Variants in RPA2 observed in about 807,000 individuals in gnomAD.
RPA2 encodes the protein replication protein A2, also known as replication protein A 32 kDa subunit.
A neutral mutation model predicts 33.4 loss-of-function variants in RPA2; 22 were observed. The observed-to-expected ratio is 0.66, with a 90% CI of 0.47 to 0.94. The LOEUF (loss-of-function observed/expected upper bound fraction) is 0.94. Ranked by LOEUF, RPA2 falls within the 40% of genes least tolerant of loss-of-function variation. The pLI, the probability that RPA2 is intolerant of heterozygous loss-of-function variation, is 0.00. For missense variants in RPA2, 279 were observed against 329.9 expected (o/e 0.85, Z 1.19); for synonymous variants, 109 against 114.9 (o/e 0.95, Z 0.33).
At chr1:27,896,790 G>C (rs1000993148) in intron 6 of RPA2, among the ~76,000 whole-genome samples, 1 of 152,160 alleles carries the variant, frequency 6.6e-6, no homozygotes, top group Admixed American at 6.5e-5. Context: ...GTCCAGGCCA[G>C]TGGAGTCAGA....
In RPA2 at chr1:27,894,029, C is replaced by A. The variant is rs760520445; in HGVS notation, c.711G>T (p.Met237Ile). 3 of 1,613,996 alleles carry A rather than the reference C, an allele frequency of 1.9e-6. No individual in the cohort carries two copies. Among genetic ancestry groups the A allele is most frequent in the Non-Finnish European group, 1.7e-6 (2 of 1,179,844 alleles). The change falls in exon 8 of 9, where the codon ATG becomes ATT. Residue 237 changes from methionine to isoleucine, a missense_variant. Around this residue, in one of 2 missense-constraint regions of RPA2, gnomAD observed 274 missense variants for 310.3 expected, o/e 0.88. Coordinates refer to ENST00000373912, the MANE Select transcript of RPA2 (RefSeq NM_002946.5). ...FQDLKNQLKHMSVSSIKQAVD... is the reference protein window; with the variant it reads ...FQDLKNQLKHISVSSIKQAVD... ...ATACTTACTTGATTGAGGATACAGA[C>A]ATGTGTTTCAGCTGGTTCTTGAGAT...
At chr1:27,912,716 C>T (rs2090114395) in intron 2 of RPA2, among the ~76,000 whole-genome samples, 1 of 152,218 alleles carries the variant, frequency 6.6e-6, no homozygotes, top group Non-Finnish European at 1.5e-5. Flanking sequence ...AAGATGCTTT[C>T]CTGAAGTCAC....
chr1:27,913,945 G>C (rs987105423), intron 2 of RPA2, 118 bp downstream of exon 2: 4 of 961,770 alleles, frequency 4.2e-6, no homozygotes, highest in African/African-American at 1.7e-5. Flanking sequence ...GATAATAATA[G>C]ATCATTATCG....
At chr1:27,907,541 G>C (rs1290766803) in intron 2 of RPA2, among the ~76,000 whole-genome samples, 1 of 152,176 alleles carries the variant, frequency 6.6e-6, no homozygotes, top group African/African-American at 2.4e-5. Flanking sequence ...TCACCAAAAT[G>C]AATAGGTCAG....
At chr1:27,897,242 A>C in intron 5 of RPA2, 121 bp from the exon 6 acceptor site, 1 of 690,784 alleles carries the variant, frequency 1.4e-6, no homozygotes, top group Non-Finnish European at 2.4e-6. Flanking sequence ...AAAATGTTAT[A>C]TACTCTCAGA....
chr1:27,895,488 G>A (rs1356358622), intron 6 of RPA2, among the ~76,000 whole-genome samples: 1 of 151,880 alleles, frequency 6.6e-6, no homozygotes, highest in Non-Finnish European at 1.5e-5. Context: ...GGCTGAGACG[G>A]GCAGATCACG....
intron 4 of RPA2, among the ~76,000 whole-genome samples, chr1:27,902,553 G>A (rs1408714822): frequency 2.0e-5 from 3 of 151,872 alleles, no homozygotes; most frequent in Non-Finnish European, 4.4e-5. Context: ...CCAAAGTCCT[G>A]GGATTACAGG....
At chr1:27,914,733 C>T, upstream of RPA2, 1 of 1,538,414 alleles carries the variant, frequency 6.5e-7, no homozygotes, top group Non-Finnish European at 8.9e-7. Context: ...AAGGGCAAAA[C>T]CCTCCGCACT....
At position 27,914,021 on chromosome 1, in the gene RPA2, C is replaced by T. The variant is rs762173996; in HGVS notation, c.117+42G>A. On this transcript the variant is annotated intron_variant, in intron 2 of 8. Coordinates refer to ENST00000373912, the MANE Select transcript of RPA2 (RefSeq NM_002946.5). The stretch of plus-strand genomic sequence containing the variant: ...TCTGTCATAGATGACTCAGGGACTT[C>T]AGGACAGGATAAAACAAAACTAAAT... The T allele has an allele frequency of 2.0e-6, 3 of 1,516,830 alleles. No homozygotes were observed. The South Asian group carries it at 3.9e-5, about 20-fold the overall frequency. 94.0% of individuals were successfully genotyped at this position (1,516,830 alleles called of 1,614,324 possible).
At position 27,897,117 on chromosome 1, in the gene RPA2, T is replaced by C. The variant is rs778925354; in HGVS notation, c.413A>G (p.Lys138Arg). 2 of 1,608,654 alleles carry C rather than the reference T, an allele frequency of 1.2e-6. No individual in the cohort carries two copies. Among genetic ancestry groups the C allele is most frequent in the South Asian group, 1.1e-5 (1 of 89,516 alleles). ...VAGHLRSFQNKKSLVAFKIMP... is the reference protein window; with the variant it reads ...VAGHLRSFQNRKSLVAFKIMP... ...GATCTTAAAGGCTACCAGGCTCTTT[T>C]TGTTCTATTAAAATGAAGGAAAAAA... Residue 138 changes from lysine to arginine, a missense_variant, in exon 6 of 9, where the codon AAA becomes AGA. Physicochemically the swap from Lys to Arg is conservative, Grantham distance 26. Transcript: ENST00000373912.
At chr1:27,894,471 G>T in intron 6 of RPA2, 74 bp from the exon 7 acceptor site, 2 of 1,260,970 alleles carry the variant, frequency 1.6e-6, no homozygotes, top group South Asian at 2.6e-5. Context: ...AAAATAGCTC[G>T]TTAAGCAGCT....
chr1:27,904,165 CAAA>C (rs11334227), intron 4 of RPA2, among the ~76,000 whole-genome samples: 10 of 123,504 alleles, frequency 8.1e-5, no homozygotes, highest in African/African-American at 1.2e-4. Context: ...AGCTCCATCT[CAAA>C]AAAAAAAAAA....
intron 2 of RPA2, among the ~76,000 whole-genome samples, chr1:27,908,989 T>C (rs890162635): frequency 6.6e-6 from 1 of 152,146 alleles, no homozygotes; most frequent in African/African-American, 2.4e-5. Context: ...AAACATGCCA[T>C]GTGGGACCTC....
At chr1:27,912,229 T>C (rs1160906073) in intron 2 of RPA2, among the ~76,000 whole-genome samples, 3 of 151,980 alleles carry the variant, frequency 2.0e-5, no homozygotes, top group Non-Finnish European at 2.9e-5. Flanking sequence ...CTCACATTTA[T>C]AAAATGAAAT....
intron 2 of RPA2, among the ~76,000 whole-genome samples, chr1:27,913,622 T>TAA (rs2090129070): frequency 6.6e-6 from 1 of 150,584 alleles, no homozygotes; most frequent in South Asian, 2.1e-4. Flanking sequence ...AAGAGACTAT[T>TAA]AATATAAGTT....
At chr1:27,909,716 GA>G (rs1031564190) in intron 2 of RPA2, among the ~76,000 whole-genome samples, 37 of 135,418 alleles carry the variant, frequency 2.7e-4, no homozygotes, top group Non-Finnish European at 2.4e-4. Flanking sequence ...CTCAAAAAGA[GA>G]AAAAAAAAAA....
intron 2 of RPA2, among the ~76,000 whole-genome samples, chr1:27,913,211 C>T (rs2090122318): frequency 6.6e-6 from 1 of 151,792 alleles, no homozygotes; most frequent in Non-Finnish European, 1.5e-5. Context: ...CCTCAGCCTC[C>T]CAAAGTGCTG....
chr1:27,902,409 G>A (rs564502700), intron 4 of RPA2, among the ~76,000 whole-genome samples: 209 of 151,216 alleles, frequency 1.4e-3, no homozygotes, highest in Admixed American at 3.1e-3. Flanking sequence ...TCAGCCTCCC[G>A]AGTAGCTGGG....
Position 27,914,112 on chromosome 1 carries a change from G to A in RPA2, c.68C>T (p.Ser23Phe), listed in dbSNP as rs755345876. ...SYGGAGGYTQ[S>F]PGGFGSPAPS... Reference sequence around the variant, plus strand: ...TGCGGGCGATCCAAAGCCCCCCGGGGACTGCGTGTAGCCGCCGGCTCCCCC... The same window carrying A: ...TGCGGGCGATCCAAAGCCCCCCGGGAACTGCGTGTAGCCGCCGGCTCCCCC... Residue 23 changes from serine to phenylalanine, a missense_variant, in exon 2 of 9, where the codon TCC (serine) becomes TTC (phenylalanine). Ser to Phe is a radical substitution (Grantham distance 155, BLOSUM62 -2). Transcript: ENST00000373912. 6.2e-7 allele frequency: 1 copy of A among 1,610,320 alleles called. No individual in the cohort carries two copies. Among genetic ancestry groups the A allele is most frequent in the East Asian group, 2.2e-5 (1 of 44,520 alleles).
Sources: allele counts gnomAD v4.1 joint callset (sites outside exome capture counted in the v4.1 genomes callset), GRCh38; gene constraint gnomAD v4.1.1; regional missense constraint gnomAD v4.1.1; transcripts MANE v1.5; gene names NCBI Gene and HGNC (gene_info 2026-07-23, HGNC 2026-07-21).